EFR3A: variants seen among roughly 807,000 people sequenced by gnomAD.
EFR3A encodes the protein protein EFR3 homolog A.
In EFR3A, 76 loss-of-function variants were observed where a neutral mutation model predicts 104.4. The ratio of observed to expected loss-of-function variants is 0.73; its 90% CI spans 0.60 to 0.88. EFR3A has a LOEUF of 0.88. EFR3A is among the 40% of genes least tolerant of loss of function. EFR3A has a pLI of 0.00. For missense variants in EFR3A, 985 were observed against 1,012.5 expected (o/e 0.97, Z 0.37); for synonymous variants, 330 against 330.0 (o/e 1.00, Z 0.00).
At chr8:131,943,198 A>T (rs890207888) in intron 2 of EFR3A, among the ~76,000 whole-genome samples, 10 of 152,062 alleles carry the variant, frequency 6.6e-5, no homozygotes, top group Admixed American at 1.3e-4. Context: ...AAATCTGAAA[A>T]AATAGCCAAA....
intron 17 of EFR3A, 106 bp downstream of exon 17, chr8:131,986,367 A>G (rs1820881723): frequency 1.9e-6 from 1 of 519,204 alleles, no homozygotes; most frequent in East Asian, 3.3e-5. Context: ...GGTGCTTTAT[A>G]CTAATCATCA....
At chr8:131,964,472 A>G (rs1245903079) in intron 8 of EFR3A, among the ~76,000 whole-genome samples, 1 of 151,950 alleles carries the variant, frequency 6.6e-6, no homozygotes, top group Non-Finnish European at 1.5e-5. Context: ...CCCATTCACA[A>G]TTGCTTCAAA....
intron 9 of EFR3A, among the ~76,000 whole-genome samples, chr8:131,969,830 A>G (rs1166100032): frequency 2.0e-5 from 3 of 152,218 alleles, no homozygotes; most frequent in Admixed American, 6.5e-5. Context: ...GCTAGGCTCT[A>G]TACGTTTGAA....
intron 3 of EFR3A, 109 bp from the exon 4 acceptor site, chr8:131,946,374 C>G: frequency 9.2e-7 from 1 of 1,091,558 alleles, no homozygotes; most frequent in East Asian, 3.1e-5. Context: ...ATTTGCATTT[C>G]TTTCTTTGGT....
At chr8:131,950,142 T>G in intron 5 of EFR3A, 52 bp downstream of exon 5, 1 of 1,504,024 alleles carries the variant, frequency 6.6e-7, no homozygotes, top group Non-Finnish European at 9.0e-7. Flanking sequence ...GAGATTAATA[T>G]TGTGTTCATA....
chr8:131,972,298 G>A (rs1820102487), intron 10 of EFR3A, among the ~76,000 whole-genome samples: 1 of 148,050 alleles, frequency 6.8e-6, no homozygotes, highest in Non-Finnish European at 1.5e-5. Flanking sequence ...TTGAGTAAGC[G>A]GTTCCAGACG....
At chr8:131,994,728 T>C (rs1821389553) in intron 18 of EFR3A, among the ~76,000 whole-genome samples, 1 of 152,158 alleles carries the variant, frequency 6.6e-6, no homozygotes. Flanking sequence ...AAAGATGGCT[T>C]ATTTAGAGAT....
intron 1 of EFR3A, among the ~76,000 whole-genome samples, chr8:131,930,893 G>A (rs970821691): frequency 1.3e-5 from 2 of 152,078 alleles, no homozygotes; most frequent in African/African-American, 4.8e-5. Context: ...ATGATCTTAC[G>A]AGGTGCAGCC....
At chr8:131,978,799 A>C (rs1820444882) in intron 12 of EFR3A, 48 bp from the exon 13 acceptor site, 1 of 1,367,634 alleles carries the variant, frequency 7.3e-7, no homozygotes, top group South Asian at 2.1e-5. Context: ...AATTTTACAA[A>C]AAAAGGACTC....
At chr8:132,002,765 C>A in intron 21 of EFR3A, 59 bp downstream of exon 21, 1 of 1,367,214 alleles carries the variant, frequency 7.3e-7, no homozygotes, top group East Asian at 2.3e-5. Context: ...GAAACTCTTC[C>A]TTGGTGATTA....
chr8:131,983,642 T>A, intron 14 of EFR3A, among the ~76,000 whole-genome samples: 1 of 152,196 alleles, frequency 6.6e-6, no homozygotes. Flanking sequence ...CTTCAGGGAC[T>A]CCATGCCAAA....
intron 1 of EFR3A, chr8:131,935,577 A>C: frequency 2.4e-6 from 1 of 413,262 alleles, no homozygotes; most frequent in Non-Finnish European, 4.8e-6. Context: ...TAAATGAGAG[A>C]ATTGCTACAT....
chr8:131,969,585 G>C (rs1819937568), intron 9 of EFR3A, among the ~76,000 whole-genome samples: 1 of 148,894 alleles, frequency 6.7e-6, no homozygotes, highest in Non-Finnish European at 1.5e-5. Flanking sequence ...ATAGTTGGTT[G>C]AATCTGTGAA....
chr8:131,930,597 G>C (rs1817546419), intron 1 of EFR3A, among the ~76,000 whole-genome samples: 1 of 151,944 alleles, frequency 6.6e-6, no homozygotes, highest in African/African-American at 2.4e-5. Context: ...AGACCATTTA[G>C]TCATGATTTA....
rs114463838 is a variant in EFR3A, at chr8:131,996,483, C to T, written c.2143C>T (p.Pro715Ser). The T allele has an allele frequency of 9.1e-4, 1,451 of 1,593,954 alleles. 14 individuals are homozygous for T. The African/African-American group carries it at 0.016, about 18-fold the overall frequency. The change falls in exon 19 of 23, where the codon CCT becomes TCT. Residue 715 changes from proline (P) to serine (S), a missense_variant. Transcript: ENST00000254624. ...IQVDILSNNV[P>S]SDDVVSNTEE... ...GGTGGATATTTTATCCAACAATGTT[C>T]CTTCTGATGATGTGGTAAGTTACTG...
At chr8:131,985,312 C>T (rs1563691794) in intron 16 of EFR3A, among the ~76,000 whole-genome samples, 1 of 151,874 alleles carries the variant, frequency 6.6e-6, no homozygotes, top group Non-Finnish European at 1.5e-5. Context: ...TCTAGAATAC[C>T]TTATGTGATT....
At chr8:131,951,444 G>A (rs1818699944) in intron 5 of EFR3A, among the ~76,000 whole-genome samples, 1 of 152,032 alleles carries the variant, frequency 6.6e-6, no homozygotes, top group South Asian at 2.1e-4. Context: ...TATCTTAAAT[G>A]TTTATGAGAC....
At chr8:131,979,570 A>G (rs1295634858) in intron 14 of EFR3A, 149 bp downstream of exon 14, 3 of 591,038 alleles carry the variant, frequency 5.1e-6, no homozygotes, top group Non-Finnish European at 9.1e-6. Context: ...GCCTCCCTCA[A>G]GTGTAACATT....
chr8:131,942,915 C>T (rs1217088478), intron 2 of EFR3A, among the ~76,000 whole-genome samples: 1 of 152,048 alleles, frequency 6.6e-6, no homozygotes, highest in Non-Finnish European at 1.5e-5. Context: ...ATGTCAGATG[C>T]ATGCTGATTC....
Sources: allele counts gnomAD v4.1 joint callset (sites outside exome capture counted in the v4.1 genomes callset), GRCh38; gene constraint gnomAD v4.1.1; transcripts MANE v1.5; gene names NCBI Gene and HGNC (gene_info 2026-07-23, HGNC 2026-07-21).